THSD7B: variants seen among roughly 807,000 people sequenced by gnomAD.
THSD7B encodes thrombospondin type-1 domain-containing protein 7B.
THSD7B carries 138 observed loss-of-function variants against 213.6 expected under a neutral mutation model. The observed-to-expected ratio is 0.65, with a 90% confidence interval of 0.56 to 0.74. The LOEUF is 0.74. Ranked by LOEUF, THSD7B falls within the 30% of genes least tolerant of loss-of-function variation. THSD7B has a pLI of 0.00. For missense variants in THSD7B, 1,931 were observed against 1,991.5 expected (o/e 0.97, Z 0.58); for synonymous variants, 742 against 687.0 (o/e 1.08, Z -1.25).
At chr2:137,609,634 C>T (rs549052860) in intron 17 of THSD7B, among the ~76,000 whole-genome samples, 1 of 152,210 alleles carries the variant, frequency 6.6e-6, no homozygotes, top group African/African-American at 2.4e-5. Context: ...ATGCTGGACC[C>T]GATTGTGTAT....
intron 12 of THSD7B, among the ~76,000 whole-genome samples, chr2:137,368,517 A>C (rs1231789303): frequency 6.6e-6 from 1 of 152,100 alleles, no homozygotes; most frequent in Non-Finnish European, 1.5e-5. Context: ...TGTAAAGATC[A>C]TGTATCAATG....
chr2:137,442,996 GCATTCAGTCA>G (rs1687450758), intron 14 of THSD7B, among the ~76,000 whole-genome samples: 1 of 152,080 alleles, frequency 6.6e-6, no homozygotes, highest in Admixed American at 6.6e-5. Context: ...TGTGATTAAA[GCATTCAGTCA>G]CTTTAATTTT....
intron 15 of THSD7B, among the ~76,000 whole-genome samples, chr2:137,534,868 C>T (rs1680472348): frequency 6.6e-6 from 1 of 151,732 alleles, no homozygotes; most frequent in South Asian, 2.1e-4. Flanking sequence ...TGACTATTCA[C>T]ATCATGCTCT....
At chr2:137,380,863 C>G (rs531033581) in intron 12 of THSD7B, among the ~76,000 whole-genome samples, 3 of 152,328 alleles carry the variant, frequency 2.0e-5, no homozygotes, top group Non-Finnish European at 4.4e-5. Flanking sequence ...CACATGAGCT[C>G]GTGCTTGGCT....
chr2:136,883,209 G>A (rs946630938), intron 2 of THSD7B, among the ~76,000 whole-genome samples: 2 of 151,724 alleles, frequency 1.3e-5, no homozygotes, highest in East Asian at 3.9e-4. Flanking sequence ...TTTCATTTTG[G>A]CCCCATCATC....
At chr2:137,089,394 GTATATATACATATACACACACA>G in intron 3 of THSD7B, among the ~76,000 whole-genome samples, 2 of 146,394 alleles carry the variant, frequency 1.4e-5, no homozygotes, top group African/African-American at 5.0e-5. Flanking sequence ...GTGTGTATAT[GTATATATACATATACACACACA>G]TATATGTATA....
At chr2:137,376,609 A>G (rs1169610709) in intron 12 of THSD7B, among the ~76,000 whole-genome samples, 1 of 152,244 alleles carries the variant, frequency 6.6e-6, no homozygotes, top group East Asian at 1.9e-4. Flanking sequence ...TAGCATATTT[A>G]TTCTTTCTAC....
chr2:136,779,406 T>C (rs1005126456), intron 1 of THSD7B, among the ~76,000 whole-genome samples: 11 of 152,162 alleles, frequency 7.2e-5, no homozygotes, highest in African/African-American at 4.8e-5. Context: ...AATATTGTTA[T>C]ATTGTAGCTT....
intron 1 of THSD7B, among the ~76,000 whole-genome samples, chr2:136,833,836 A>G (rs532735509): frequency 6.6e-6 from 1 of 152,312 alleles, no homozygotes; most frequent in South Asian, 2.1e-4. Flanking sequence ...AAGTTTTTTG[A>G]GATGTGGATA....
At chr2:136,934,808 T>G (rs16837621) in intron 2 of THSD7B, among the ~76,000 whole-genome samples, 2,235 of 152,284 alleles carry the variant, frequency 0.015, 70 homozygotes, top group African/African-American at 0.051. Flanking sequence ...CAATTTACCT[T>G]TTCTTTTGAG....
chr2:137,271,016 C>G (rs539785108), intron 10 of THSD7B, among the ~76,000 whole-genome samples: 3 of 152,178 alleles, frequency 2.0e-5, no homozygotes, highest in African/African-American at 7.2e-5. Context: ...TTGCTTCTCA[C>G]TGTGGGTCTT....
intron 1 of THSD7B, among the ~76,000 whole-genome samples, chr2:136,809,853 G>A (rs1682347892): frequency 6.6e-6 from 1 of 152,104 alleles, no homozygotes; most frequent in Non-Finnish European, 1.5e-5. Context: ...TGAAAAAAGT[G>A]CCAGCCAACA....
rs557985731 is a variant in THSD7B at position 137,588,428 on chromosome 2, T to G, written c.3423+15872T>G. 2.6e-5 allele frequency among the ~76,000 whole-genome samples: 4 copies of G among 151,914 alleles called. No individual in the cohort carries two copies. The South Asian group carries it at 8.3e-4, about 32-fold the overall frequency. On this transcript the variant is annotated intron_variant, in intron 17 of 27. Transcript: ENST00000409968. ...AATCACCTGTCTTCTGCATCACTCA[T>G]GCTGGGCTATTTGATGTTTTAAAAT...
At chr2:136,881,510 G>A (rs1402269335) in intron 1 of THSD7B, among the ~76,000 whole-genome samples, 1 of 152,114 alleles carries the variant, frequency 6.6e-6, no homozygotes, top group East Asian at 1.9e-4. Flanking sequence ...CATGGCAATA[G>A]AAAATTTGCA....
intron 12 of THSD7B, among the ~76,000 whole-genome samples, chr2:137,285,581 C>CTT (rs200149229): frequency 6.3e-5 from 8 of 126,632 alleles, no homozygotes; most frequent in African/African-American, 1.5e-4. Context: ...TTCAGGAGCT[C>CTT]TTTTTTTTTT....
At chr2:137,349,149 A>C (rs1162359325) in intron 12 of THSD7B, among the ~76,000 whole-genome samples, 1 of 151,608 alleles carries the variant, frequency 6.6e-6, no homozygotes, top group Non-Finnish European at 1.5e-5. Context: ...CTACAATCAA[A>C]GTGAAAATGG....
intron 12 of THSD7B, among the ~76,000 whole-genome samples, chr2:137,398,131 A>T (rs1157343782): frequency 6.8e-6 from 1 of 147,812 alleles, no homozygotes; most frequent in African/African-American, 2.5e-5. Flanking sequence ...CGTAGCTCAG[A>T]GTAATTTGAT....
At chr2:137,265,943 G>A (rs1682578511) in intron 10 of THSD7B, among the ~76,000 whole-genome samples, 2 of 152,100 alleles carry the variant, frequency 1.3e-5, no homozygotes, top group African/African-American at 2.4e-5. Flanking sequence ...CATGGTTATA[G>A]GTACTAATTG....
intron 12 of THSD7B, among the ~76,000 whole-genome samples, chr2:137,396,789 G>A (rs1255386595): frequency 1.3e-5 from 2 of 151,452 alleles, no homozygotes; most frequent in African/African-American, 2.4e-5. Context: ...TTATTAATGT[G>A]TGGGAGTCTA....
Sources: gnomAD v4.1 joint callset for allele counts (sites outside exome capture counted in the v4.1 genomes callset) on GRCh38, gnomAD v4.1.1 for gene constraint, MANE v1.5 for transcripts, NCBI Gene and HGNC (gene_info 2026-07-23, HGNC 2026-07-21) for gene names.